PEX7: variants seen among roughly 807,000 people sequenced by gnomAD.
PEX7 encodes the protein PTS2 receptor.
Under a neutral mutation model 47.5 loss-of-function variants are expected in PEX7, and 34 were observed. The ratio of observed to expected loss-of-function variants is 0.72; its 90% CI spans 0.54 to 0.95. The LOEUF (loss-of-function observed/expected upper bound fraction) is 0.95. Ranked by LOEUF, PEX7 falls within the 40% of genes least tolerant of loss-of-function variation. The pLI, the probability that PEX7 is intolerant of heterozygous loss-of-function variation, is 0.00. For synonymous variants in PEX7, 141 were observed against 148.8 expected, an observed-to-expected ratio of 0.95 and a Z score of 0.38; for missense variants, 394 against 400.3, an observed-to-expected ratio of 0.98 and a Z score of 0.13.
chr6:136,827,174 G>A (rs1176273669), intron 3 of PEX7, among the ~76,000 whole-genome samples: 1 of 152,124 alleles, frequency 6.6e-6, no homozygotes, highest in Non-Finnish European at 1.5e-5. Flanking sequence ...GGCCCGAGAA[G>A]GCCCTCAATA....
At chr6:136,871,761 A>T (rs1366724560) in intron 7 of PEX7, among the ~76,000 whole-genome samples, 1 of 151,936 alleles carries the variant, frequency 6.6e-6, no homozygotes, top group African/African-American at 2.4e-5. Flanking sequence ...GGGTTTCACC[A>T]TGTTGGCCAG....
chr6:136,913,247 A>G (rs572077006), intron 9 of PEX7, among the ~76,000 whole-genome samples: 198 of 152,326 alleles, frequency 1.3e-3, no homozygotes, highest in African/African-American at 2.8e-3. Context: ...AATATACTCA[A>G]TCAATGGGAA....
At chr6:136,850,311 C>T (rs1774719965) in intron 5 of PEX7, among the ~76,000 whole-genome samples, 1 of 152,026 alleles carries the variant, frequency 6.6e-6, no homozygotes, top group Non-Finnish European at 1.5e-5. Flanking sequence ...ACTCTTTATC[C>T]AATTTGCCAG....
intron 3 of PEX7, among the ~76,000 whole-genome samples, chr6:136,834,572 A>G (rs1257048753): frequency 2.0e-5 from 3 of 152,230 alleles, no homozygotes; most frequent in Non-Finnish European, 2.9e-5. Flanking sequence ...TTTGTGAAAG[A>G]GCGTGGCATG....
intron 8 of PEX7, among the ~76,000 whole-genome samples, chr6:136,880,060 C>G (rs1775350451): frequency 1.3e-5 from 2 of 151,026 alleles, no homozygotes; most frequent in Admixed American, 1.3e-4. Flanking sequence ...CTTCCATGTC[C>G]CTAAATGCTT....
intron 6 of PEX7, among the ~76,000 whole-genome samples, chr6:136,869,499 A>G (rs1775135500): frequency 6.6e-6 from 1 of 152,132 alleles, no homozygotes; most frequent in Admixed American, 6.6e-5. Flanking sequence ...TTGCCTCCCA[A>G]GGTGCTGGAA....
intron 2 of PEX7, 131 bp from the exon 3 acceptor site, chr6:136,826,188 A>C: frequency 2.0e-6 from 2 of 976,772 alleles, no homozygotes; most frequent in East Asian, 2.4e-5. Context: ...AGTTGTGCAG[A>C]TTACATGAGA....
intron 3 of PEX7, among the ~76,000 whole-genome samples, chr6:136,827,451 T>C (rs1185796425): frequency 6.6e-6 from 1 of 152,122 alleles, no homozygotes; most frequent in Non-Finnish European, 1.5e-5. Flanking sequence ...TGCACGAATC[T>C]CTACAGAACA....
intron 1 of PEX7, among the ~76,000 whole-genome samples, chr6:136,823,890 C>G (rs1184682617): frequency 6.6e-6 from 1 of 151,708 alleles, no homozygotes; most frequent in African/African-American, 2.4e-5. Context: ...AACTCCGTCT[C>G]AAAAAAAAGA....
chr6:136,840,699 A>G (rs1476181372), intron 3 of PEX7, among the ~76,000 whole-genome samples: 2 of 152,242 alleles, frequency 1.3e-5, no homozygotes, highest in Non-Finnish European at 2.9e-5. Flanking sequence ...GTAACCTCTT[A>G]AGAGAAATCA....
intron 8 of PEX7, among the ~76,000 whole-genome samples, chr6:136,883,724 C>T (rs1775419173): frequency 6.6e-6 from 1 of 152,126 alleles, no homozygotes; most frequent in Admixed American, 6.5e-5. Context: ...GACACAGGCA[C>T]CTGAGTGTCC....
At chr6:136,824,300 A>G (rs1332141726) in intron 1 of PEX7, among the ~76,000 whole-genome samples, 2 of 152,134 alleles carry the variant, frequency 1.3e-5, no homozygotes, top group Non-Finnish European at 2.9e-5. Flanking sequence ...TCCTGGGCTC[A>G]TATGATCCTC....
chr6:136,898,112 T>C (rs909173454), intron 8 of PEX7, 30 bp from the exon 9 acceptor site: 2 of 1,330,606 alleles, frequency 1.5e-6, no homozygotes, highest in South Asian at 1.2e-5. Flanking sequence ...TTTTAGCATT[T>C]AAATTATTCC....
rs549742068 is a variant in PEX7, at chr6:136,894,022, C to T, written c.804-4120C>T. On this transcript the variant is annotated intron_variant, in intron 8 of 9. Transcript: ENST00000318471. ...AGCTTAATTGTTGAAATGATTTTGA[C>T]GTTGTATTTAATACAGACTATGATG... Among the ~76,000 whole-genome samples the T allele has an allele frequency of 5.3e-5, 8 of 152,244 alleles. No homozygotes were observed. In the South Asian group the frequency reaches 1.7e-3, roughly 32 times the overall value.
chr6:136,863,211 C>A (rs1368963246), intron 5 of PEX7, among the ~76,000 whole-genome samples: 2 of 152,000 alleles, frequency 1.3e-5, no homozygotes, highest in African/African-American at 4.8e-5. Context: ...GTCAGTTCTG[C>A]CATAGAAGAG....
chr6:136,903,204 C>T (rs1230685309), intron 9 of PEX7, among the ~76,000 whole-genome samples: 2 of 152,178 alleles, frequency 1.3e-5, no homozygotes, highest in Non-Finnish European at 2.9e-5. Flanking sequence ...CGTTGAGATA[C>T]AGAACATCGC....
intron 3 of PEX7, among the ~76,000 whole-genome samples, chr6:136,838,248 T>C (rs1271834629): frequency 6.6e-6 from 1 of 152,160 alleles, no homozygotes; most frequent in Non-Finnish European, 1.5e-5. Flanking sequence ...AATTGGAAGC[T>C]AAAAAACATG....
chr6:136,825,157 C>T (rs377217778), intron 1 of PEX7, 57 bp from the exon 2 acceptor site: 31 of 1,418,342 alleles, frequency 2.2e-5, no homozygotes, highest in Non-Finnish European at 2.9e-5. Context: ...AACTCCTTGA[C>T]TTTCGATGTT....
intron 3 of PEX7, among the ~76,000 whole-genome samples, chr6:136,844,756 GT>G (rs1167753962): frequency 6.6e-6 from 1 of 151,748 alleles, no homozygotes; most frequent in South Asian, 2.1e-4. Context: ...TATTACTGAT[GT>G]TTTTTTTCCT....
Sources: allele counts gnomAD v4.1 joint callset (sites outside exome capture counted in the v4.1 genomes callset), GRCh38; gene constraint gnomAD v4.1.1; transcripts MANE v1.5; gene names NCBI Gene and HGNC (gene_info 2026-07-23, HGNC 2026-07-21).